Variants in FBXL7 observed in about 807,000 individuals in gnomAD.
FBXL7 encodes F-box/LRR-repeat protein 7.
A neutral mutation model predicts 38.3 loss-of-function variants in FBXL7; 12 were observed. That is an observed-to-expected ratio of 0.31 (90% CI 0.20 to 0.51). FBXL7 has a LOEUF of 0.51. FBXL7 is among the 20% of genes least tolerant of loss of function. FBXL7 has a pLI of 0.98. For synonymous variants in FBXL7, 297 were observed against 300.9 expected, an observed-to-expected ratio of 0.99 and a Z score of 0.13; for missense variants, 567 against 676.4, an observed-to-expected ratio of 0.84 and a Z score of 1.79.
At chr5:15,507,339 T>G (rs1163639820) in intron 1 of FBXL7, among the ~76,000 whole-genome samples, 1 of 152,164 alleles carries the variant, frequency 6.6e-6, no homozygotes, top group East Asian at 1.9e-4. Flanking sequence ...GAGAAGATAT[T>G]TTTTCGAGAT....
intron 2 of FBXL7, among the ~76,000 whole-genome samples, chr5:15,784,967 T>C (rs576042369): frequency 1.3e-5 from 2 of 152,344 alleles, no homozygotes; most frequent in East Asian, 3.9e-4. Flanking sequence ...CCATCATTTT[T>C]AAAGGTATTC....
intron 1 of FBXL7, among the ~76,000 whole-genome samples, chr5:15,576,862 T>G (rs918784866): frequency 6.6e-6 from 1 of 151,644 alleles, no homozygotes; most frequent in Non-Finnish European, 1.5e-5. Context: ...TGTTTATCTG[T>G]CTGTCTTTCC....
At chr5:15,816,714 G>T (rs1202459532) in intron 2 of FBXL7, among the ~76,000 whole-genome samples, 3 of 152,106 alleles carry the variant, frequency 2.0e-5, no homozygotes, top group Admixed American at 2.0e-4. Flanking sequence ...CTACTACTCT[G>T]TTCTGTTCTT....
At position 15,799,356 on chromosome 5, in the gene FBXL7, C is replaced by CTTTT. The variant is rs34953272; in HGVS notation, c.128-128515_128-128512dup. Among the ~76,000 whole-genome samples, 591 of 90,738 alleles carry CTTTT rather than the reference C, an allele frequency of 6.5e-3. 1 individual carries two copies. The highest frequency in any genetic ancestry group is 8.7e-3 in the East Asian group (24 of 2,758). 59.5% of individuals were successfully genotyped at this position (90,738 alleles called of 152,430 possible). ...TTAGGTGCCTGCCCTAAACCCCTCCCTTTTTTTTTTTTTTTTTTTTTTGAG... is the reference window on the plus strand; with the variant it reads ...TTAGGTGCCTGCCCTAAACCCCTCCCTTTTTTTTTTTTTTTTTTTTTTTTTTGAG... On this transcript the variant is annotated intron_variant, in intron 2 of 3. Coordinates refer to ENST00000504595, the MANE Select transcript of FBXL7 (RefSeq NM_012304.5).
intron 2 of FBXL7, among the ~76,000 whole-genome samples, chr5:15,820,695 G>A (rs79013321): frequency 0.031 from 4,657 of 152,002 alleles, 251 homozygotes; most frequent in African/African-American, 0.11. Context: ...GGATTTCTCC[G>A]CATCAAAAAA....
At chr5:15,694,662 A>T (rs1743278367) in intron 2 of FBXL7, among the ~76,000 whole-genome samples, 1 of 135,234 alleles carries the variant, frequency 7.4e-6, no homozygotes, top group Admixed American at 7.4e-5. Context: ...TCATTTTGAC[A>T]CCTCTGTCAT....
chr5:15,694,722 A>C (rs935190394), intron 2 of FBXL7, among the ~76,000 whole-genome samples: 2 of 152,306 alleles, frequency 1.3e-5, no homozygotes, highest in Middle Eastern at 3.4e-3. Context: ...TAACCTATTC[A>C]TACGTGCTTC....
chr5:15,667,317 C>T (rs1329658884), intron 2 of FBXL7, among the ~76,000 whole-genome samples: 2 of 152,176 alleles, frequency 1.3e-5, no homozygotes, highest in South Asian at 4.1e-4. Context: ...ATCAGCTTTA[C>T]TGTCTGAAGT....
chr5:15,556,540 A>G (rs1435283107), intron 1 of FBXL7, among the ~76,000 whole-genome samples: 1 of 152,234 alleles, frequency 6.6e-6, no homozygotes, highest in Non-Finnish European at 1.5e-5. Flanking sequence ...CAAGTTGACC[A>G]TAGAATTAAC....
At chr5:15,800,333 G>A (rs999638960) in intron 2 of FBXL7, among the ~76,000 whole-genome samples, 5 of 152,156 alleles carry the variant, frequency 3.3e-5, no homozygotes, top group African/African-American at 1.2e-4. Context: ...CATCCAAGCA[G>A]TAAAGATAGG....
At chr5:15,770,299 G>A (rs1187313748) in intron 2 of FBXL7, among the ~76,000 whole-genome samples, 2 of 152,086 alleles carry the variant, frequency 1.3e-5, no homozygotes, top group Non-Finnish European at 2.9e-5. Flanking sequence ...TTTTCCACTC[G>A]CCCTTGCAGC....
At chr5:15,771,240 T>A (rs959406158) in intron 2 of FBXL7, among the ~76,000 whole-genome samples, 22 of 152,170 alleles carry the variant, frequency 1.4e-4, no homozygotes, top group African/African-American at 5.1e-4. Flanking sequence ...AGCTTTTCCC[T>A]CACCATACAT....
At chr5:15,832,409 A>G (rs866614901) in intron 2 of FBXL7, among the ~76,000 whole-genome samples, 403 of 152,334 alleles carry the variant, frequency 2.6e-3, no homozygotes, top group African/African-American at 9.3e-3. Context: ...GTTCCTTAAC[A>G]AATACCAGTT....
chr5:15,905,367 A>G lies in FBXL7; in HGVS notation c.128-22523A>G, dbSNP rs556623436. ...TCTTTTTACCAAAGAGGACTAATCT[A>G]TTGCTTGGAGGCCAGCCTGCAAATA... On this transcript the variant is annotated intron_variant, in intron 2 of 3. Transcript: ENST00000504595. 2.8e-4 allele frequency among the ~76,000 whole-genome samples: 42 copies of G among 152,260 alleles called. 1 individual carries two copies. The highest frequency in any genetic ancestry group is 3.4e-3 in the Middle Eastern group (1 of 294).
At chr5:15,739,667 T>G (rs4484432) in intron 2 of FBXL7, among the ~76,000 whole-genome samples, 97,239 of 151,982 alleles carry the variant, frequency 0.64, 31,643 homozygotes, top group East Asian at 0.72. Flanking sequence ...TGTGAATGGG[T>G]TTCTTTACAA....
chr5:15,634,961 T>A (rs1741133801), intron 2 of FBXL7, among the ~76,000 whole-genome samples: 1 of 152,148 alleles, frequency 6.6e-6, no homozygotes, highest in Non-Finnish European at 1.5e-5. Context: ...TGATCTTGAA[T>A]CACATCTGCA....
At chr5:15,729,900 A>G (rs1036258279) in intron 2 of FBXL7, among the ~76,000 whole-genome samples, 2 of 152,198 alleles carry the variant, frequency 1.3e-5, no homozygotes, top group African/African-American at 4.8e-5. Context: ...AAGTAAGTCA[A>G]TCGGGTAACG....
At chr5:15,822,449 C>T (rs750268027) in intron 2 of FBXL7, among the ~76,000 whole-genome samples, 1 of 152,136 alleles carries the variant, frequency 6.6e-6, no homozygotes, top group Non-Finnish European at 1.5e-5. Context: ...TCCAGGGCAG[C>T]TTGACCAGCC....
chr5:15,523,153 A>G (rs76346572), intron 1 of FBXL7, among the ~76,000 whole-genome samples: 1,761 of 152,350 alleles, frequency 0.012, 39 homozygotes, highest in African/African-American at 0.041. Flanking sequence ...CAGAGGATTT[A>G]AGTTAGGGTA....
Sources: allele counts gnomAD v4.1 joint callset (sites outside exome capture counted in the v4.1 genomes callset), GRCh38; gene constraint gnomAD v4.1.1; transcripts MANE v1.5; gene names NCBI Gene and HGNC (gene_info 2026-07-23, HGNC 2026-07-21).